The following LAMA1 variants were observed in gnomAD, a reference collection of about 807,000 sequenced individuals.
The protein encoded by LAMA1 is laminin subunit alpha 1.
Under a neutral mutation model 348.7 loss-of-function variants are expected in LAMA1, and 219 were observed. That is an observed-to-expected ratio of 0.63 (90% CI 0.56 to 0.70). LAMA1 has a LOEUF of 0.70. LAMA1 is among the 30% of genes least tolerant of loss of function. LAMA1 has a pLI of 0.00. For synonymous variants in LAMA1, 1,487 were observed against 1,491.0 expected (o/e 1.00, Z 0.06); for missense variants, 3,744 against 3,888.0 (o/e 0.96, Z 0.99).
chr18:7,060,329 G>A (rs77849335), intron 3 of LAMA1, among the ~76,000 whole-genome samples: 1,977 of 152,304 alleles, frequency 0.013, 37 homozygotes, highest in African/African-American at 0.044. Context: ...AATAAAACGT[G>A]ATTTGTTTCT....
chr18:7,082,637 TTTCTC>T (rs2058197594), intron 1 of LAMA1, among the ~76,000 whole-genome samples: 1 of 152,240 alleles, frequency 6.6e-6, no homozygotes, highest in Admixed American at 6.5e-5. Context: ...CTGATTCAAA[TTTCTC>T]TTATCAGCTA....
At chr18:7,107,693 G>A (rs2058318136) in intron 1 of LAMA1, among the ~76,000 whole-genome samples, 1 of 152,118 alleles carries the variant, frequency 6.6e-6, no homozygotes. Context: ...CTCCTATAAG[G>A]AAATACTATT....
intron 4 of LAMA1, 128 bp downstream of exon 4, chr18:7,050,566 A>G (rs2058058285): frequency 7.5e-7 from 1 of 1,338,434 alleles, no homozygotes; most frequent in South Asian, 1.2e-5. Context: ...GACATGACTC[A>G]AGGCCACTTT....
intron 19 of LAMA1, among the ~76,000 whole-genome samples, chr18:7,020,026 G>C (rs1368332452): frequency 6.6e-6 from 1 of 152,036 alleles, no homozygotes; most frequent in Non-Finnish European, 1.5e-5. Flanking sequence ...GTTATAAATA[G>C]TACTAATTTA....
At position 6,961,998 on chromosome 18, in the gene LAMA1, T is replaced by C. The variant is rs778512656; in HGVS notation, c.7399A>G (p.Thr2467Ala). The C allele has an allele frequency of 2.5e-6, 4 of 1,614,256 alleles. No homozygotes were observed. Among genetic ancestry groups the C allele is most frequent in the Non-Finnish European group, 2.5e-6 (3 of 1,180,038 alleles). Residue 2467 changes from threonine to alanine, a missense_variant, in exon 52 of 63, where the codon ACC becomes GCC. By Grantham distance (58) the Thr-to-Ala change is moderately conservative. Coordinates refer to ENST00000389658, the MANE Select transcript of LAMA1 (RefSeq NM_005559.4). Reference protein sequence around the residue: ...CIKNLEISRSTFDLLRNSYGV... With the variant: ...CIKNLEISRSAFDLLRNSYGV... ...TAGGAATTTCTGAGTAAGTCAAAGG[T>C]TGATCTGGATATTTCCAGGTTCTTG...
chr18:7,039,033 T>C, intron 10 of LAMA1, 83 bp from the exon 11 acceptor site: 1 of 1,128,846 alleles, frequency 8.9e-7, no homozygotes, highest in East Asian at 2.3e-5. Flanking sequence ...AGATAGGTGT[T>C]CGGTGATCCA....
chr18:7,053,895 C>T (rs1195916234), intron 3 of LAMA1, among the ~76,000 whole-genome samples: 1 of 151,876 alleles, frequency 6.6e-6, no homozygotes, highest in Non-Finnish European at 1.5e-5. Flanking sequence ...GTGATCCTCC[C>T]ACCTCGGCCT....
chr18:7,087,533 C>G (rs981460720), intron 1 of LAMA1, among the ~76,000 whole-genome samples: 11 of 152,164 alleles, frequency 7.2e-5, no homozygotes, highest in Admixed American at 4.6e-4. Context: ...CTACATCATG[C>G]GGAATTATTT....
chr18:7,087,842 G>A (rs1002829301), intron 1 of LAMA1, among the ~76,000 whole-genome samples: 1 of 152,148 alleles, frequency 6.6e-6, no homozygotes, highest in African/African-American at 2.4e-5. Context: ...TGAGAAGCAC[G>A]GCACCCAGGC....
chr18:7,069,158 C>T (rs1440697099), intron 3 of LAMA1, among the ~76,000 whole-genome samples: 1 of 152,182 alleles, frequency 6.6e-6, no homozygotes. Flanking sequence ...AAATGGTTAT[C>T]CTGGACTGTT....
chr18:7,041,103 T>G (rs1303907296), intron 9 of LAMA1, among the ~76,000 whole-genome samples: 2 of 152,064 alleles, frequency 1.3e-5, no homozygotes, highest in Non-Finnish European at 2.9e-5. Flanking sequence ...AACAATGAAT[T>G]GTAGACTTCA....
At chr18:7,006,890 G>A (rs761903567) in intron 29 of LAMA1, among the ~76,000 whole-genome samples, 5 of 152,162 alleles carry the variant, frequency 3.3e-5, no homozygotes, top group Non-Finnish European at 5.9e-5. Context: ...TTTGGTGCAC[G>A]ACTATAATTC....
chr18:6,977,720 A>G lies in LAMA1; in HGVS notation c.6345+7T>C, dbSNP rs10164200. ...CAGTTACGAAAGCCACGGGGCCCCA[A>G]ACTCACAGAAGCTGCTTGTTTGCGG... On this transcript the variant is annotated splice_region_variant and intron_variant, in intron 44 of 62. Coordinates refer to ENST00000389658, the MANE Select transcript of LAMA1 (RefSeq NM_005559.4). The G allele has an allele frequency of 0.13, 211,436 of 1,613,702 alleles. 14,465 individuals are homozygous for G. Among genetic ancestry groups the G allele is most frequent in the Non-Finnish European group, 0.14 (160,880 of 1,179,770 alleles).
At chr18:7,045,313 A>C (rs2058037443) in intron 6 of LAMA1, among the ~76,000 whole-genome samples, 1 of 152,112 alleles carries the variant, frequency 6.6e-6, no homozygotes, top group Admixed American at 6.5e-5. Flanking sequence ...TACTAAAAAT[A>C]CAAAAAATTA....
chr18:7,096,497 T>G (rs2143810354), intron 1 of LAMA1, among the ~76,000 whole-genome samples: 1 of 152,116 alleles, frequency 6.6e-6, no homozygotes, highest in Middle Eastern at 3.4e-3. Context: ...GGTAACAATT[T>G]TTTTTTAATT....
chr18:7,032,489 A>C (rs1205557161), intron 15 of LAMA1, among the ~76,000 whole-genome samples: 1 of 152,220 alleles, frequency 6.6e-6, no homozygotes, highest in Non-Finnish European at 1.5e-5. Flanking sequence ...ATGTTTGTCC[A>C]AGTGATTTCA....
chr18:6,954,936 G>A, intron 57 of LAMA1: 1 of 321,984 alleles, frequency 3.1e-6, no homozygotes, highest in Admixed American at 4.5e-5. Context: ...GCCAGAAGGT[G>A]CAGAGAGGGG....
At chr18:7,090,758 TACAA>T (rs2058236741) in intron 1 of LAMA1, among the ~76,000 whole-genome samples, 1 of 151,840 alleles carries the variant, frequency 6.6e-6, no homozygotes, top group African/African-American at 2.4e-5. Context: ...AAAGACCCCA[TACAA>T]ACAGTGAGAG....
chr18:7,037,862 A>G, intron 11 of LAMA1, 111 bp from the exon 12 acceptor site: 1 of 1,112,752 alleles, frequency 9.0e-7, no homozygotes, highest in Non-Finnish European at 1.3e-6. Context: ...AAGCTTCTCT[A>G]GGGATGGCAT....
Sources: allele counts gnomAD v4.1 joint callset (sites outside exome capture counted in the v4.1 genomes callset), GRCh38; gene constraint gnomAD v4.1.1; transcripts MANE v1.5; gene names NCBI Gene and HGNC (gene_info 2026-07-23, HGNC 2026-07-21).